CACNA1A: variants seen among roughly 807,000 people sequenced by gnomAD.
The protein encoded by CACNA1A is calcium voltage-gated channel subunit alpha1 A.
A neutral mutation model predicts 262.4 loss-of-function variants in CACNA1A; 57 were observed. That is an observed-to-expected ratio of 0.22 (90% CI 0.18 to 0.27). The LOEUF is 0.27. Among genes scored for constraint, CACNA1A ranks in the 10% least tolerant of loss-of-function variants. The probability of loss-of-function intolerance (pLI) is 1.00; values close to 1 mark genes in which losing one functional copy is unlikely to be tolerated. For synonymous variants in CACNA1A, 1,431 were observed against 1,419.3 expected, an observed-to-expected ratio of 1.01 and a Z score of -0.18; for missense variants, 2,526 against 3,562.8, an observed-to-expected ratio of 0.71 and a Z score of 7.41.
intron 37 of CACNA1A, 59 bp downstream of exon 37, chr19:13,227,370 AAG>A: frequency 1.7e-6 from 1 of 595,808 alleles, no homozygotes; most frequent in Non-Finnish European, 2.7e-6. Context: ...AAAAAAAAAG[AAG>A]AAGAAGAAGA....
At position 13,231,804 on chromosome 19, in the gene CACNA1A, G is replaced by A. The variant is rs1386598946; in HGVS notation, c.5306C>T (p.Pro1769Leu). ...CAGGATGCCAGAGTTCTTATCACACGGTTTCCCGCTGAGGCAGGAAAGCAT... is the reference window on the plus strand; with the variant it reads ...CAGGATGCCAGAGTTCTTATCACACAGTTTCCCGCTGAGGCAGGAAAGCAT... ...NIMLSCLSGK[P>L]CDKNSGILTR... The change falls in exon 35 of 47, where the codon CCG becomes CTG. Residue 1769 changes from proline (P) to leucine (L), a missense_variant. Physicochemically the swap from Pro to Leu is moderately conservative, Grantham distance 98. Coordinates refer to ENST00000360228, the MANE Select transcript of CACNA1A (RefSeq NM_001127222.2). 1.9e-6 allele frequency: 3 copies of A among 1,613,760 alleles called. No individual in the cohort carries two copies. The highest frequency in any genetic ancestry group is 2.5e-6 in the Non-Finnish European group (3 of 1,179,736).
intron 3 of CACNA1A, among the ~76,000 whole-genome samples, chr19:13,376,026 G>T (rs2059399687): frequency 6.6e-6 from 1 of 152,166 alleles, no homozygotes; most frequent in African/African-American, 2.4e-5. Flanking sequence ...CCCACAGCAA[G>T]ACTGAGAGAG....
At chr19:13,386,203 A>G (rs925801797) in intron 3 of CACNA1A, among the ~76,000 whole-genome samples, 3 of 151,758 alleles carry the variant, frequency 2.0e-5, no homozygotes, top group Non-Finnish European at 4.4e-5. Flanking sequence ...TTGTCCATCC[A>G]AGAGCCACCA....
chr19:13,373,501 C>T (rs1468194563), intron 3 of CACNA1A, among the ~76,000 whole-genome samples: 1 of 152,168 alleles, frequency 6.6e-6, no homozygotes, highest in Admixed American at 6.5e-5. Flanking sequence ...ACCGCAGCTC[C>T]CTCACCCTTC....
At chr19:13,461,079 C>T (rs968495990) in intron 1 of CACNA1A, among the ~76,000 whole-genome samples, 1 of 152,120 alleles carries the variant, frequency 6.6e-6, no homozygotes, top group African/African-American at 2.4e-5. Context: ...GTGGCTCACA[C>T]CTGTAATCCC....
At chr19:13,209,534 C>T in intron 44 of CACNA1A, 36 bp from the exon 45 acceptor site, 2 of 1,269,890 alleles carry the variant, frequency 1.6e-6, no homozygotes, top group Non-Finnish European at 2.0e-6. Flanking sequence ...CTGGGGTCAG[C>T]AGCTAGCACC....
chr19:13,413,899 G>A lies in CACNA1A; in HGVS notation c.539+38977C>T, dbSNP rs755934174. On this transcript the variant is annotated intron_variant, in intron 3 of 46. Coordinates refer to ENST00000360228, the MANE Select transcript of CACNA1A (RefSeq NM_001127222.2). ...CTGTCAAGAAAGAAAGAAAGAAAAAGAAAGAAAGAAAGAAAGAAAGAAAGA... is the reference window on the plus strand; with the variant it reads ...CTGTCAAGAAAGAAAGAAAGAAAAAAAAAGAAAGAAAGAAAGAAAGAAAGA... Among the ~76,000 whole-genome samples the A allele has an allele frequency of 5.8e-3, 184 of 31,988 alleles. 2 individuals are homozygous for A. The highest frequency in any genetic ancestry group is 0.014 in the African/African-American group (168 of 11,666). The allele number at this position is 31,988 out of a possible 152,430, so 21.0% of individuals were successfully genotyped here.
chr19:13,428,766 G>A (rs989746764), intron 3 of CACNA1A, among the ~76,000 whole-genome samples: 1 of 151,906 alleles, frequency 6.6e-6, no homozygotes, highest in Admixed American at 6.6e-5. Context: ...CCTGCGATCC[G>A]CTCTCATGGA....
intron 3 of CACNA1A, among the ~76,000 whole-genome samples, chr19:13,409,548 A>G (rs2060072984): frequency 6.6e-6 from 1 of 152,098 alleles, no homozygotes; most frequent in Non-Finnish European, 1.5e-5. Context: ...AAGAAGAAGA[A>G]TAAGAATTTC....
intron 11 of CACNA1A, among the ~76,000 whole-genome samples, chr19:13,314,700 T>C (rs1198920810): frequency 6.6e-6 from 1 of 152,198 alleles, no homozygotes. Flanking sequence ...GGGTAATTTG[T>C]TATAGCAGTA....
intron 6 of CACNA1A, among the ~76,000 whole-genome samples, chr19:13,346,639 TATATATATATATA>T (rs2058774961): frequency 2.3e-4 from 2 of 8,864 alleles, no homozygotes; most frequent in Admixed American, 1.6e-3. Flanking sequence ...TATATATATA[TATATATATATATA>T]TATATATATA....
At chr19:13,237,884 G>C (rs763541340) in intron 31 of CACNA1A, among the ~76,000 whole-genome samples, 2 of 152,180 alleles carry the variant, frequency 1.3e-5, no homozygotes, top group South Asian at 4.1e-4. Flanking sequence ...TTCATGGGGC[G>C]GATCATAACA....
chr19:13,241,411 G>A lies in CACNA1A; in HGVS notation c.4950+3771C>T, dbSNP rs981012037. 1.1e-5 allele frequency: 8 copies of A among 752,864 alleles called. No individual in the cohort carries two copies. The highest frequency in any genetic ancestry group is 2.3e-4 in the Middle Eastern group (1 of 4,380). The allele number at this position is 752,864 out of a possible 1,614,324, so 46.6% of individuals were successfully genotyped here. On this transcript the variant is annotated intron_variant, in intron 31 of 46. Coordinates refer to ENST00000360228, the MANE Select transcript of CACNA1A (RefSeq NM_001127222.2). The surrounding 1 kb of genome is among the most constrained non-coding windows in gnomAD (Gnocchi z 4.0). ...AGGAGAGCGGAGGGTTGAGGAGAGC[G>A]TCAGGCATCCCACGTTGGAGAGGCA...
chr19:13,487,321 C>T (rs890463727), intron 1 of CACNA1A, among the ~76,000 whole-genome samples: 2 of 152,152 alleles, frequency 1.3e-5, no homozygotes, highest in African/African-American at 4.8e-5. Flanking sequence ...CAGGTGGGGG[C>T]AGCCCCCAGT....
At chr19:13,300,742 C>A (rs1247419842) in intron 17 of CACNA1A, 86 bp from the exon 18 acceptor site, 1 of 1,051,390 alleles carries the variant, frequency 9.5e-7, no homozygotes, top group Non-Finnish European at 1.5e-6. Flanking sequence ...CCAGGGGCAA[C>A]ATTTGAAATA....
chr19:13,307,684 A>G, intron 15 of CACNA1A, 98 bp downstream of exon 15: 1 of 934,112 alleles, frequency 1.1e-6, no homozygotes, highest in Non-Finnish European at 1.7e-6. Flanking sequence ...GGCCAGGTAG[A>G]GAAGGAGGAG....
intron 1 of CACNA1A, among the ~76,000 whole-genome samples, chr19:13,499,911 G>A (rs189387629): frequency 2.8e-4 from 42 of 152,068 alleles, no homozygotes; most frequent in Non-Finnish European, 5.1e-4. Flanking sequence ...TCCCGGCGGT[G>A]CTTTTTATTG....
chr19:13,440,727 A>G (rs546652132), intron 3 of CACNA1A, among the ~76,000 whole-genome samples: 2 of 152,316 alleles, frequency 1.3e-5, no homozygotes, highest in East Asian at 3.9e-4. Context: ...AGTAACATCC[A>G]TAAACCCAGC....
intron 6 of CACNA1A, among the ~76,000 whole-genome samples, chr19:13,345,724 A>C (rs1381987148): frequency 6.6e-6 from 1 of 152,132 alleles, no homozygotes; most frequent in African/African-American, 2.4e-5. Flanking sequence ...TTTGAGTGTG[A>C]AAAAGCTGAA....
Sources: allele counts gnomAD v4.1 joint callset (sites outside exome capture counted in the v4.1 genomes callset), GRCh38; gene constraint gnomAD v4.1.1; non-coding constraint Gnocchi (gnomAD v3.1); transcripts MANE v1.5; gene names NCBI Gene and HGNC (gene_info 2026-07-23, HGNC 2026-07-21).